The following BMP5 variants were observed in gnomAD, a reference collection of about 807,000 sequenced individuals.
BMP5 encodes the protein bone morphogenetic protein 5.
Under a neutral mutation model 46.6 loss-of-function variants are expected in BMP5, and 23 were observed. The observed-to-expected ratio is 0.49, with a 90% CI of 0.35 to 0.70. The LOEUF (loss-of-function observed/expected upper bound fraction) is 0.70. BMP5 is among the 30% of genes least tolerant of loss of function. BMP5 has a pLI of 0.00. For synonymous variants in BMP5, 204 were observed against 191.9 expected, an observed-to-expected ratio of 1.06 and a Z score of -0.52; for missense variants, 545 against 565.6, an observed-to-expected ratio of 0.96 and a Z score of 0.37.
chr6:55,773,918 G>A, intron 4 of BMP5, 131 bp downstream of exon 4: 1 of 1,017,722 alleles, frequency 9.8e-7, no homozygotes, highest in South Asian at 1.3e-5. Context: ...TGGGATGCTA[G>A]AAACATCACT....
chr6:55,792,153 A>G (rs1335551086), intron 3 of BMP5, among the ~76,000 whole-genome samples: 1 of 152,228 alleles, frequency 6.6e-6, no homozygotes, highest in African/African-American at 2.4e-5. Flanking sequence ...ATTAAAAGCT[A>G]TGGAAAAATC....
chr6:55,842,357 C>T (rs1173272618), intron 1 of BMP5, among the ~76,000 whole-genome samples: 2 of 152,094 alleles, frequency 1.3e-5, no homozygotes, highest in Non-Finnish European at 2.9e-5. Context: ...ACAAGAATGT[C>T]CATGTTTACA....
rs1345515843 is a variant in BMP5, at chr6:55,755,044, T to TA, written c.*488dup. ...ACTTTATCTAATGAAGCAGGAACTC[T>TA]AAAAGAGAAATTGTGTTTATCCAAG... On this transcript the variant is annotated 3_prime_UTR_variant, in exon 7 of 7. Transcript: ENST00000370830. The TA allele has an allele frequency of 6.5e-6, 1 of 152,806 alleles. No homozygotes were observed. The highest frequency in any genetic ancestry group is 1.5e-5 in the Non-Finnish European group (1 of 68,554). 9.5% of individuals were successfully genotyped at this position (152,806 alleles called of 1,614,324 possible). A position where few individuals can be genotyped will look rare whatever the true frequency, so the allele number is the denominator to read the frequency against.
rs1288133298 is a variant in BMP5 at position 55,754,882 on chromosome 6, A to G, written c.*651T>C. The G allele has an allele frequency of 1.3e-5, 2 of 152,066 alleles. No homozygotes were observed. The highest frequency in any genetic ancestry group is 4.8e-5 in the African/African-American group (2 of 41,434). 9.4% of individuals were successfully genotyped at this position (152,066 alleles called of 1,614,324 possible). ...CTTTGAGCTCTTTGCAAAATCTACA[A>G]TCCACAAGCCAAAAAGGAACATGCT... On this transcript the variant is annotated 3_prime_UTR_variant, in exon 7 of 7. Transcript: ENST00000370830.
At chr6:55,768,545 T>G (rs1291807403) in intron 4 of BMP5, among the ~76,000 whole-genome samples, 3 of 151,924 alleles carry the variant, frequency 2.0e-5, no homozygotes, top group African/African-American at 7.2e-5. Flanking sequence ...TATTTGAGCT[T>G]ATGGTACTGC....
rs753220074 is a variant in BMP5 at position 55,865,104 on chromosome 6, C to G, written c.490+9272G>C. On this transcript the variant is annotated intron_variant, in intron 1 of 6. Transcript: ENST00000370830. Reference sequence around the variant, plus strand: ...TTGAAAGATTATTTGAACAGAGTGACTTTCCTGCTTAGAGTTTAAAAGTTT... The same window carrying G: ...TTGAAAGATTATTTGAACAGAGTGAGTTTCCTGCTTAGAGTTTAAAAGTTT... Among the ~76,000 whole-genome samples, 6 of 152,238 alleles carry G rather than the reference C, an allele frequency of 3.9e-5. No individual in the cohort carries two copies. In the South Asian group the frequency reaches 1.2e-3, roughly 32 times the overall value.
chr6:55,874,307 G>A, intron 1 of BMP5, 69 bp downstream of exon 1: 5 of 1,596,964 alleles, frequency 3.1e-6, no homozygotes, highest in Non-Finnish European at 4.3e-6. Context: ...CTACCAAGCA[G>A]CTCCTTTACC....
intron 2 of BMP5, among the ~76,000 whole-genome samples, chr6:55,808,901 A>G (rs137920061): frequency 6.6e-6 from 1 of 152,258 alleles, no homozygotes; most frequent in Non-Finnish European, 1.5e-5. Flanking sequence ...TACTGCTTCT[A>G]GTCAACCATC....
At chr6:55,805,204 T>C (rs1264040240) in intron 2 of BMP5, among the ~76,000 whole-genome samples, 2 of 152,192 alleles carry the variant, frequency 1.3e-5, no homozygotes, top group Non-Finnish European at 2.9e-5. Flanking sequence ...CAGGTGCCAA[T>C]AAGCTGTAAG....
rs9382563 is a variant in BMP5 at position 55,866,661 on chromosome 6, G to A, written c.490+7715C>T. 6.5e-4 allele frequency among the ~76,000 whole-genome samples: 99 copies of A among 152,206 alleles called. 1 individual carries two copies. The East Asian group carries it at 0.017, about 27-fold the overall frequency. Reference sequence around the variant, plus strand: ...ATTTTTTCATTGGCAATTGCAGTCCGCAGTTCATATTGTGATCTGAAAGTG... The same window carrying A: ...ATTTTTTCATTGGCAATTGCAGTCCACAGTTCATATTGTGATCTGAAAGTG... On this transcript the variant is annotated intron_variant, in intron 1 of 6. Coordinates refer to ENST00000370830, the MANE Select transcript of BMP5 (RefSeq NM_021073.4).
intron 1 of BMP5, among the ~76,000 whole-genome samples, chr6:55,827,830 A>G (rs1776567938): frequency 6.6e-6 from 1 of 151,870 alleles, no homozygotes; most frequent in Non-Finnish European, 1.5e-5. Context: ...TTACTACACA[A>G]ATAACAGATT....
At chr6:55,860,664 G>C (rs986428337) in intron 1 of BMP5, among the ~76,000 whole-genome samples, 34 of 152,142 alleles carry the variant, frequency 2.2e-4, no homozygotes, top group African/African-American at 7.5e-4. Context: ...TTTACTCTTA[G>C]CTACTTCTTG....
chr6:55,756,644 A>G (rs1401805546), intron 6 of BMP5, among the ~76,000 whole-genome samples: 1 of 151,894 alleles, frequency 6.6e-6, no homozygotes, highest in Non-Finnish European at 1.5e-5. Context: ...TGGCTGTACA[A>G]CGTCCTGGCT....
At chr6:55,836,820 G>C (rs1356335215) in intron 1 of BMP5, among the ~76,000 whole-genome samples, 1 of 152,076 alleles carries the variant, frequency 6.6e-6, no homozygotes, top group Non-Finnish European at 1.5e-5. Flanking sequence ...GTGTTAGGAA[G>C]TTCCTTGAAT....
At chr6:55,809,182 T>C (rs1776062964) in intron 2 of BMP5, among the ~76,000 whole-genome samples, 1 of 152,168 alleles carries the variant, frequency 6.6e-6, no homozygotes. Flanking sequence ...CAAAAATCTA[T>C]TGCAAGGATA....
chr6:55,809,596 G>GTGTATGCATGCATATAT lies in BMP5; in HGVS notation c.683+10042_683+10058dup, dbSNP rs1776072600. Among the ~76,000 whole-genome samples the GTGTATGCATGCATATAT allele has an allele frequency of 5.9e-5, 9 of 152,072 alleles. No individual in the cohort carries two copies. In the South Asian group the frequency reaches 1.9e-3, roughly 32 times the overall value. On this transcript the variant is annotated intron_variant, in intron 2 of 6. Transcript: ENST00000370830. ...CAATTACATGAATATATGTATATGTGTGTATGCATGCATATATTATATACA... is the reference window on the plus strand; with the variant it reads ...CAATTACATGAATATATGTATATGTGTGTATGCATGCATATATTGTATGCATGCATATATTATATACA...
At position 55,843,546 on chromosome 6, in the gene BMP5, T is replaced by C. The variant is rs1183993423; in HGVS notation, c.491-23699A>G. Among the ~76,000 whole-genome samples, 4 of 152,024 alleles carry C rather than the reference T, an allele frequency of 2.6e-5. 1 individual carries two copies. Among genetic ancestry groups the C allele is most frequent in the Admixed American group, 6.6e-5 (1 of 15,224 alleles). ...GTGTTTCATATAGATTAAGCTGCCTTTATCGCTAAAGAACTAAACGGTTTT... is the reference window on the plus strand; with the variant it reads ...GTGTTTCATATAGATTAAGCTGCCTCTATCGCTAAAGAACTAAACGGTTTT... On this transcript the variant is annotated intron_variant, in intron 1 of 6. Transcript: ENST00000370830.
At chr6:55,872,785 T>C (rs746903762) in intron 1 of BMP5, among the ~76,000 whole-genome samples, 21 of 151,852 alleles carry the variant, frequency 1.4e-4, no homozygotes, top group Admixed American at 4.6e-4. Flanking sequence ...TATGAATATA[T>C]AAATTTTGCT....
At chr6:55,799,891 G>A (rs1775802211) in intron 2 of BMP5, among the ~76,000 whole-genome samples, 1 of 152,088 alleles carries the variant, frequency 6.6e-6, no homozygotes, top group Admixed American at 6.6e-5. Context: ...CTTTGGGGTA[G>A]GTTTGCACAG....
Sources: allele counts gnomAD v4.1 joint callset (sites outside exome capture counted in the v4.1 genomes callset), GRCh38; gene constraint gnomAD v4.1.1; transcripts MANE v1.5; gene names NCBI Gene and HGNC (gene_info 2026-07-23, HGNC 2026-07-21).